NR2C2: variants seen among roughly 807,000 people sequenced by gnomAD.
NR2C2 encodes nuclear receptor subfamily 2 group C member 2, also known as Nuclear hormone receptor TR4.
In NR2C2, 6 loss-of-function variants were observed where a neutral mutation model predicts 62.9. The ratio of observed to expected loss-of-function variants is 0.10; its 90% confidence interval spans 0.05 to 0.19. The LOEUF (loss-of-function observed/expected upper bound fraction) is 0.19, where lower values mean the gene tolerates loss of function less well. NR2C2 is among the 10% of genes least tolerant of loss of function. NR2C2 has a pLI of 1.00. For synonymous variants in NR2C2, 272 were observed against 273.8 expected, an observed-to-expected ratio of 0.99 and a Z score of 0.07; for missense variants, 479 against 762.7, an observed-to-expected ratio of 0.63 and a Z score of 4.38.
chr3:14,957,677 C>T (rs981463774), intron 1 of NR2C2, among the ~76,000 whole-genome samples: 3 of 152,132 alleles, frequency 2.0e-5, no homozygotes, highest in Non-Finnish European at 2.9e-5. Flanking sequence ...CATTTGTGTG[C>T]TATCGAGGAA....
intron 2 of NR2C2, among the ~76,000 whole-genome samples, chr3:15,011,574 T>C (rs2041353824): frequency 1.3e-5 from 2 of 152,214 alleles, no homozygotes; most frequent in Non-Finnish European, 2.9e-5. Flanking sequence ...TCTGGGGGAC[T>C]CCGGGCATGC....
At chr3:15,010,822 A>T (rs933921194) in intron 2 of NR2C2, among the ~76,000 whole-genome samples, 1 of 152,160 alleles carries the variant, frequency 6.6e-6, no homozygotes, top group Non-Finnish European at 1.5e-5. Flanking sequence ...CCCTGACCTC[A>T]TACTTGCCAT....
At chr3:15,021,215 A>G (rs904432172) in intron 5 of NR2C2, among the ~76,000 whole-genome samples, 6 of 152,106 alleles carry the variant, frequency 3.9e-5, no homozygotes, top group Non-Finnish European at 7.4e-5. Flanking sequence ...GCTGATACCA[A>G]ATCTACCTCC....
intron 1 of NR2C2, among the ~76,000 whole-genome samples, chr3:14,950,449 T>C (rs1279343643): frequency 6.6e-6 from 1 of 152,030 alleles, no homozygotes; most frequent in Non-Finnish European, 1.5e-5. Context: ...TTCTTATCTG[T>C]GGTACCCCTA....
intron 1 of NR2C2, among the ~76,000 whole-genome samples, chr3:14,991,777 T>A (rs1336898419): frequency 3.4e-5 from 5 of 149,182 alleles, no homozygotes; most frequent in Non-Finnish European, 7.4e-5. Context: ...TCTTTTTTTT[T>A]TTTTTGGAGA....
At chr3:15,022,648 T>G (rs1165729839) in intron 5 of NR2C2, among the ~76,000 whole-genome samples, 1 of 152,140 alleles carries the variant, frequency 6.6e-6, no homozygotes, top group African/African-American at 2.4e-5. Flanking sequence ...CCCAAAGTGC[T>G]GGGATTACAG....
At chr3:14,988,737 A>T (rs924900204) in intron 1 of NR2C2, among the ~76,000 whole-genome samples, 1 of 151,884 alleles carries the variant, frequency 6.6e-6, no homozygotes, top group Admixed American at 6.6e-5. Flanking sequence ...TCCCCTCTTG[A>T]TTAATTTTTT....
At chr3:14,966,763 T>C (rs1397608520) in intron 1 of NR2C2, among the ~76,000 whole-genome samples, 3 of 152,174 alleles carry the variant, frequency 2.0e-5, no homozygotes, top group Non-Finnish European at 2.9e-5. Context: ...TTGGGTGATA[T>C]GAAATAACTT....
chr3:14,997,036 C>T (rs1374928812), intron 1 of NR2C2, among the ~76,000 whole-genome samples: 1 of 152,214 alleles, frequency 6.6e-6, no homozygotes, highest in African/African-American at 2.4e-5. Flanking sequence ...ATTTTCAATA[C>T]AGTCACAAAC....
chr3:15,043,200 T>C lies in NR2C2; in HGVS notation c.*192T>C, dbSNP rs556251547. 3.6e-5 allele frequency: 15 copies of C among 417,000 alleles called. No individual in the cohort carries two copies. In the South Asian group the frequency reaches 1.1e-3, roughly 30 times the overall value. The allele number at this position is 417,000 out of a possible 1,614,324, so 25.8% of individuals were successfully genotyped here. On this transcript the variant is annotated 3_prime_UTR_variant, in exon 14 of 14. Transcript: ENST00000425241. Reference sequence around the variant, plus strand: ...TAGGATCCTTTCCTGACATAAGAAATGTTTTAATGCCTTTTGATGAAGCAG... The same window carrying C: ...TAGGATCCTTTCCTGACATAAGAAACGTTTTAATGCCTTTTGATGAAGCAG...
At chr3:15,016,284 A>T in intron 4 of NR2C2, 30 bp downstream of exon 4, 1 of 1,484,418 alleles carries the variant, frequency 6.7e-7, no homozygotes, top group Non-Finnish European at 9.4e-7. Flanking sequence ...GCTGGCACTT[A>T]TAATGGGCCA....
In NR2C2 at chr3:15,043,290, A is replaced by G. The variant is rs1052878484; in HGVS notation, c.*282A>G. On this transcript the variant is annotated 3_prime_UTR_variant, in exon 14 of 14. Coordinates refer to ENST00000425241, the MANE Select transcript of NR2C2 (RefSeq NM_001291694.2). ...AAATTCTCAAAGGGCAAAAAACAAA[A>G]AAAAAGGTTTTATAATGTCAGAGAC... 1.2e-5 allele frequency: 3 copies of G among 248,086 alleles called. No individual in the cohort carries two copies. Among genetic ancestry groups the G allele is most frequent in the African/African-American group, 6.7e-5 (3 of 44,788 alleles). The allele number at this position is 248,086 out of a possible 1,614,324, so 15.4% of individuals were successfully genotyped here. A position where few individuals can be genotyped will look rare whatever the true frequency, so the allele number is the denominator to read the frequency against.
At chr3:14,953,819 C>T (rs1470956454) in intron 1 of NR2C2, among the ~76,000 whole-genome samples, 3 of 147,132 alleles carry the variant, frequency 2.0e-5, no homozygotes, top group South Asian at 2.3e-4. Flanking sequence ...CACTTGAACC[C>T]GGGAGGTGGA....
chr3:14,960,507 C>G (rs1193278388), intron 1 of NR2C2, among the ~76,000 whole-genome samples: 2 of 152,144 alleles, frequency 1.3e-5, no homozygotes, highest in African/African-American at 4.8e-5. Flanking sequence ...ATAAAATCCA[C>G]TTTTACTCAT....
chr3:15,012,071 G>A (rs907286917), intron 2 of NR2C2, among the ~76,000 whole-genome samples: 4 of 152,110 alleles, frequency 2.6e-5, no homozygotes, highest in African/African-American at 9.7e-5. Flanking sequence ...TGTTTGACTC[G>A]TAGTGGGTGC....
chr3:14,961,828 ATG>A (rs2039695723), intron 1 of NR2C2, among the ~76,000 whole-genome samples: 1 of 152,266 alleles, frequency 6.6e-6, no homozygotes, highest in Non-Finnish European at 1.5e-5. Flanking sequence ...ATAAATTAAT[ATG>A]TGTATGGGTA....
intron 1 of NR2C2, among the ~76,000 whole-genome samples, chr3:14,949,391 A>G (rs967738511): frequency 1.8e-4 from 27 of 152,256 alleles, no homozygotes; most frequent in Admixed American, 4.6e-4. Flanking sequence ...GAGGAAGAGC[A>G]TTTGATGTGA....
intron 1 of NR2C2, among the ~76,000 whole-genome samples, chr3:14,987,786 G>A (rs191185860): frequency 5.3e-5 from 8 of 152,168 alleles, no homozygotes; most frequent in Non-Finnish European, 1.0e-4. Flanking sequence ...ATCAAGATAC[G>A]TTTATTGAAT....
At chr3:14,981,985 C>G (rs1194778377) in intron 1 of NR2C2, among the ~76,000 whole-genome samples, 1 of 152,160 alleles carries the variant, frequency 6.6e-6, no homozygotes, top group African/African-American at 2.4e-5. Context: ...GTCTGCCTCT[C>G]CTAGTCCACT....
Sources: gnomAD v4.1 joint callset for allele counts (sites outside exome capture counted in the v4.1 genomes callset) on GRCh38, gnomAD v4.1.1 for gene constraint, MANE v1.5 for transcripts, NCBI Gene and HGNC (gene_info 2026-07-23, HGNC 2026-07-21) for gene names.